The following PCDH15 variants were observed in gnomAD, a reference collection of about 807,000 sequenced individuals.
PCDH15 encodes the protein protocadherin related 15, also known as protocadherin-15.
A neutral mutation model predicts 178.5 loss-of-function variants in PCDH15; 129 were observed. The observed-to-expected ratio is 0.72, with a 90% CI of 0.63 to 0.84. The LOEUF is 0.84. Among genes scored for constraint, PCDH15 ranks in the 40% least tolerant of loss-of-function variants. PCDH15 has a pLI of 0.00. For synonymous variants in PCDH15, 800 were observed against 732.0 expected (o/e 1.09, Z -1.50); for missense variants, 2,230 against 2,099.9 (o/e 1.06, Z -1.21).
intron 2 of PCDH15, among the ~76,000 whole-genome samples, chr10:54,998,634 A>T (rs552629683): frequency 1.3e-5 from 2 of 152,310 alleles, no homozygotes. Context: ...AATATTGTAA[A>T]GAAATACATT....
intron 20 of PCDH15, among the ~76,000 whole-genome samples, chr10:54,012,675 A>T (rs899575005): frequency 3.9e-5 from 6 of 152,158 alleles, no homozygotes; most frequent in African/African-American, 1.4e-4. Flanking sequence ...CAACCCAAGA[A>T]TTTCATGTCC....
chr10:53,844,014 G>T (rs771777258), intron 28 of PCDH15, among the ~76,000 whole-genome samples: 12 of 151,640 alleles, frequency 7.9e-5, no homozygotes, highest in Non-Finnish European at 1.6e-4. Flanking sequence ...ATATCATTGA[G>T]ACTTTGATAT....
In PCDH15 at chr10:54,619,839, C is replaced by T. The variant is rs1178565974; in HGVS notation, c.91+44333G>A. 4.6e-5 allele frequency among the ~76,000 whole-genome samples: 7 copies of T among 152,080 alleles called. No homozygotes were observed. The East Asian group carries it at 1.4e-3, about 30-fold the overall frequency. ...CTTAATCTGTGTTCTAAATCTGGGACTGGGCTTCTAAGAGTAGGTTCACTG... is the reference window on the plus strand; with the variant it reads ...CTTAATCTGTGTTCTAAATCTGGGATTGGGCTTCTAAGAGTAGGTTCACTG... On this transcript the variant is annotated intron_variant, in intron 2 of 37. Transcript: ENST00000644397.
rs1202366380 is a variant in PCDH15, at chr10:53,806,550, A to ATTAAT, written c.*24_*28dup. On this transcript the variant is annotated 3_prime_UTR_variant, in exon 38 of 38. Transcript: ENST00000644397. ...CAGTTTATTAAAAATGTAAGTAAAA[A>ATTAAT]TTAATTAAAATATCTTTTAAAAAAT... 6.7e-7 allele frequency: 1 copy of ATTAAT among 1,494,238 alleles called. No homozygotes were observed. The highest frequency in any genetic ancestry group is 9.0e-7 in the Non-Finnish European group (1 of 1,107,476). 92.6% of individuals were successfully genotyped at this position (1,494,238 alleles called of 1,614,324 possible).
chr10:55,194,358 CT>C (rs1174494679), intron 1 of PCDH15, among the ~76,000 whole-genome samples: 4 of 152,014 alleles, frequency 2.6e-5, no homozygotes, highest in Non-Finnish European at 5.9e-5. Flanking sequence ...GTATACCAAG[CT>C]GTTTGAAGTA....
At chr10:54,909,345 G>A (rs530857769) in intron 2 of PCDH15, among the ~76,000 whole-genome samples, 1 of 152,230 alleles carries the variant, frequency 6.6e-6, no homozygotes, top group Non-Finnish European at 1.5e-5. Context: ...GTGCCTGCAG[G>A]CCAGTGCAGA....
At chr10:55,324,107 T>G (rs1380499429), upstream of PCDH15, among the ~76,000 whole-genome samples, 1 of 152,148 alleles carries the variant, frequency 6.6e-6, no homozygotes, top group Non-Finnish European at 1.5e-5. Context: ...TTTCGTGGAC[T>G]GGGCCCAGGC....
rs543871950 is a variant in PCDH15, at chr10:54,930,925, T to A, written c.-79-33425A>T. ...TAACAAAACATTTGGGCAATTTTTG[T>A]CTCTTATGAATAATTTACAATGTAT... On this transcript the variant is annotated intron_variant, in intron 2 of 5. Transcript: ENST00000458638. Among the ~76,000 whole-genome samples the A allele has an allele frequency of 3.0e-4, 46 of 152,330 alleles. No individual in the cohort carries two copies. The South Asian group carries it at 6.2e-3, about 21-fold the overall frequency.
intron 26 of PCDH15, among the ~76,000 whole-genome samples, chr10:53,890,549 A>ATTAC (rs1330894368): frequency 6.6e-6 from 1 of 152,194 alleles, no homozygotes; most frequent in Non-Finnish European, 1.5e-5. Flanking sequence ...CCTTTTCTAG[A>ATTAC]TTACTGGGTT....
chr10:55,116,282 A>G (rs776713615), intron 2 of PCDH15, among the ~76,000 whole-genome samples: 1 of 152,220 alleles, frequency 6.6e-6, no homozygotes, highest in Non-Finnish European at 1.5e-5. Flanking sequence ...ACTAAAATCT[A>G]TTAAGATTAT....
intron 2 of PCDH15, among the ~76,000 whole-genome samples, chr10:55,460,616 T>C (rs1034531231): frequency 2.0e-5 from 3 of 152,122 alleles, no homozygotes; most frequent in African/African-American, 7.2e-5. Flanking sequence ...TGAACATATA[T>C]AGTTGTTGCA....
At chr10:54,068,914 T>C (rs956384456) in intron 17 of PCDH15, among the ~76,000 whole-genome samples, 1 of 152,216 alleles carries the variant, frequency 6.6e-6, no homozygotes. Context: ...TGTGTGTCGA[T>C]ATATGTAAGT....
chr10:55,340,252 A>C (rs1329131235), intron 2 of PCDH15, among the ~76,000 whole-genome samples: 2 of 150,990 alleles, frequency 1.3e-5, no homozygotes, highest in East Asian at 1.9e-4. Flanking sequence ...ATATACATAT[A>C]TTACATTTCA....
intron 9 of PCDH15, among the ~76,000 whole-genome samples, chr10:54,227,071 G>A (rs1037506252): frequency 6.6e-6 from 1 of 152,260 alleles, no homozygotes; most frequent in Admixed American, 6.5e-5. Flanking sequence ...GCTGTTGGTG[G>A]ATCTACCATT....
intron 1 of PCDH15, among the ~76,000 whole-genome samples, chr10:55,311,954 C>T (rs1338543703): frequency 1.3e-5 from 2 of 152,152 alleles, no homozygotes; most frequent in African/African-American, 4.8e-5. Flanking sequence ...AGCGATGAAT[C>T]ATCCAACTCT....
At chr10:54,474,520 A>G (rs897408484) in intron 3 of PCDH15, among the ~76,000 whole-genome samples, 1 of 151,946 alleles carries the variant, frequency 6.6e-6, no homozygotes, top group African/African-American at 2.4e-5. Flanking sequence ...GTAATCAACT[A>G]AGGTAGTACT....
chr10:53,815,384 A>G (rs2076024245), intron 35 of PCDH15, among the ~76,000 whole-genome samples: 1 of 152,212 alleles, frequency 6.6e-6, no homozygotes, highest in Admixed American at 6.5e-5. Context: ...GATGAAATTG[A>G]TGTTCAGCAG....
intron 15 of PCDH15, among the ~76,000 whole-genome samples, chr10:54,107,372 C>T (rs936317954): frequency 6.6e-6 from 1 of 152,186 alleles, no homozygotes; most frequent in Non-Finnish European, 1.5e-5. Flanking sequence ...CATTACAACG[C>T]TTAGTATGAT....
At chr10:53,977,439 C>T (rs1426638523) in intron 21 of PCDH15, among the ~76,000 whole-genome samples, 4 of 152,220 alleles carry the variant, frequency 2.6e-5, no homozygotes, top group Admixed American at 2.0e-4. Context: ...GTTCGACAAG[C>T]TTGATCCTAG....
Sources: allele counts gnomAD v4.1 joint callset (sites outside exome capture counted in the v4.1 genomes callset), GRCh38; gene constraint gnomAD v4.1.1; transcripts MANE v1.5; gene names NCBI Gene and HGNC (gene_info 2026-07-23, HGNC 2026-07-21).